The following ADAMTS6 variants were observed in gnomAD, a reference collection of about 807,000 sequenced individuals.
The protein encoded by ADAMTS6 is ADAM metallopeptidase with thrombospondin type 1 motif 6.
A neutral mutation model predicts 144.3 loss-of-function variants in ADAMTS6; 23 were observed. The observed-to-expected ratio is 0.16, with a 90% CI of 0.11 to 0.23. ADAMTS6 has a LOEUF of 0.23. Among genes scored for constraint, ADAMTS6 ranks in the 10% least tolerant of loss-of-function variants. The probability of loss-of-function intolerance (pLI) is 1.00; values close to 1 mark genes in which losing one functional copy is unlikely to be tolerated. For synonymous variants in ADAMTS6, 444 were observed against 457.5 expected (o/e 0.97, Z 0.38); for missense variants, 999 against 1,379.6 (o/e 0.72, Z 4.37).
intron 7 of ADAMTS6, among the ~76,000 whole-genome samples, chr5:65,375,370 G>A (rs1375665076): frequency 6.6e-6 from 1 of 151,464 alleles, no homozygotes; most frequent in African/African-American, 2.4e-5. Context: ...ATCTGACAAA[G>A]GGCTAATATC....
chr5:65,233,490 C>T (rs139552260), intron 15 of ADAMTS6, among the ~76,000 whole-genome samples: 4,582 of 151,996 alleles, frequency 0.03, 103 homozygotes, highest in Middle Eastern at 0.082. Context: ...TCAGTAAATA[C>T]GGATACAAAA....
chr5:65,198,782 C>T (rs1363372749), intron 20 of ADAMTS6: 1 of 162,326 alleles, frequency 6.2e-6, no homozygotes, highest in East Asian at 1.9e-4. Flanking sequence ...TATTCCTTCC[C>T]TCCCAACCCC....
chr5:65,420,202 T>C (rs1244358555), intron 7 of ADAMTS6, among the ~76,000 whole-genome samples: 2 of 152,104 alleles, frequency 1.3e-5, no homozygotes, highest in Non-Finnish European at 2.9e-5. Flanking sequence ...GAGAACAGTA[T>C]GGGGGAAACC....
chr5:65,449,592 G>C (rs1406401714), intron 7 of ADAMTS6, among the ~76,000 whole-genome samples: 1 of 152,058 alleles, frequency 6.6e-6, no homozygotes, highest in Non-Finnish European at 1.5e-5. Flanking sequence ...CTGCACTCCA[G>C]CCTGGGCGAC....
intron 13 of ADAMTS6, among the ~76,000 whole-genome samples, chr5:65,262,461 G>A (rs917932667): frequency 2.0e-5 from 3 of 152,120 alleles, no homozygotes; most frequent in Admixed American, 6.5e-5. Context: ...AAAGACCTTA[G>A]GTTTCCTGGG....
rs531120629 is a variant in ADAMTS6 at position 65,270,467 on chromosome 5, G to A, written c.1620+2873C>T. ...TTTGCTCACGTGTCTAGTTCTTTTTGTTTGTTTTTTCTTAAAAATGCAGGC... is the reference window on the plus strand; with the variant it reads ...TTTGCTCACGTGTCTAGTTCTTTTTATTTGTTTTTTCTTAAAAATGCAGGC... On this transcript the variant is annotated intron_variant, in intron 12 of 24. Transcript: ENST00000381055. Among the ~76,000 whole-genome samples, 58 of 152,240 alleles carry A rather than the reference G, an allele frequency of 3.8e-4. No individual in the cohort carries two copies. In the Middle Eastern group the frequency reaches 0.017, roughly 45 times the overall value.
Position 65,170,765 on chromosome 5 carries a change from A to T in ADAMTS6, c.3096T>A (p.Ala1032=), listed in dbSNP as rs780404254. 6.2e-7 allele frequency: 1 copy of T among 1,611,862 alleles called. No homozygotes were observed. Among genetic ancestry groups the T allele is most frequent in the Non-Finnish European group, 8.5e-7 (1 of 1,179,008 alleles). Residue 1032 remains alanine, a synonymous_variant, in exon 24 of 25, where the codon GCT becomes GCA. Coordinates refer to ENST00000381055, the MANE Select transcript of ADAMTS6 (RefSeq NM_197941.4). ...TCATCTGCTGTCCAAGGCCACACTG[A>T]GCAGAACACTAAATCCAAAGACACA... ...WVTGDWGQCS[A]QCGLGQQMRT...
At chr5:65,174,467 C>T (rs554107887) in intron 22 of ADAMTS6, among the ~76,000 whole-genome samples, 10 of 152,302 alleles carry the variant, frequency 6.6e-5, no homozygotes, top group Admixed American at 2.6e-4. Flanking sequence ...TGGAACGCCT[C>T]GCCAGAGGAG....
intron 3 of ADAMTS6, among the ~76,000 whole-genome samples, chr5:65,466,859 A>T (rs55682148): frequency 3.9e-5 from 6 of 152,056 alleles, no homozygotes; most frequent in Non-Finnish European, 8.8e-5. Context: ...TGGCTAACAC[A>T]GTGAAACCCC....
intron 7 of ADAMTS6, among the ~76,000 whole-genome samples, chr5:65,350,896 C>A (rs1242110162): frequency 6.6e-6 from 1 of 152,194 alleles, no homozygotes; most frequent in African/African-American, 2.4e-5. Context: ...GATCCACCCA[C>A]CTTGGCCTCC....
At chr5:65,262,568 C>T (rs1761293140) in intron 13 of ADAMTS6, among the ~76,000 whole-genome samples, 2 of 152,122 alleles carry the variant, frequency 1.3e-5, no homozygotes, top group African/African-American at 4.8e-5. Context: ...AAAAGTCTGG[C>T]TTATCTGGGA....
chr5:65,410,151 G>A (rs1404285393), intron 7 of ADAMTS6, among the ~76,000 whole-genome samples: 1 of 152,154 alleles, frequency 6.6e-6, no homozygotes, highest in African/African-American at 2.4e-5. Context: ...AAAAAGAAAA[G>A]TTGGGACTTC....
intron 21 of ADAMTS6, among the ~76,000 whole-genome samples, chr5:65,193,280 C>T (rs149948184): frequency 1.3e-5 from 2 of 151,756 alleles, no homozygotes; most frequent in Non-Finnish European, 3.0e-5. Context: ...GGAAAATAGA[C>T]GACAAACTAG....
chr5:65,156,872 G>A (rs2111969972), intron 24 of ADAMTS6, among the ~76,000 whole-genome samples: 1 of 152,292 alleles, frequency 6.6e-6, no homozygotes, highest in East Asian at 1.9e-4. Flanking sequence ...TTCCTGTGAG[G>A]ATATTGGAAA....
intron 7 of ADAMTS6, among the ~76,000 whole-genome samples, chr5:65,431,866 G>T (rs1056838222): frequency 6.6e-6 from 1 of 152,046 alleles, no homozygotes; most frequent in Admixed American, 6.6e-5. Context: ...CTCAGGGCTA[G>T]AGATGTATAT....
intron 12 of ADAMTS6, among the ~76,000 whole-genome samples, chr5:65,272,921 C>A (rs1762162649): frequency 1.3e-5 from 2 of 149,378 alleles, no homozygotes; most frequent in Non-Finnish European, 3.0e-5. Context: ...ACCATGAGAC[C>A]CTGTCTCAAA....
chr5:65,210,775 T>TA (rs896347641), intron 20 of ADAMTS6: 3 of 615,486 alleles, frequency 4.9e-6, no homozygotes, highest in Admixed American at 1.9e-5. Context: ...TGAAGATGCT[T>TA]ACAAGAAACA....
At chr5:65,191,937 A>G (rs988564239) in intron 21 of ADAMTS6, among the ~76,000 whole-genome samples, 2 of 152,118 alleles carry the variant, frequency 1.3e-5, no homozygotes, top group African/African-American at 4.8e-5. Flanking sequence ...GTCTGATGTA[A>G]TGGAAAAAAC....
At chr5:65,478,987 A>G (rs1211895487) in intron 1 of ADAMTS6, among the ~76,000 whole-genome samples, 3 of 152,170 alleles carry the variant, frequency 2.0e-5, no homozygotes, top group Non-Finnish European at 4.4e-5. Context: ...TTCCTCTATC[A>G]TCTTTACTTC....
Sources: allele counts gnomAD v4.1 joint callset (sites outside exome capture counted in the v4.1 genomes callset), GRCh38; gene constraint gnomAD v4.1.1; transcripts MANE v1.5; gene names NCBI Gene and HGNC (gene_info 2026-07-23, HGNC 2026-07-21).